Variants in ZSCAN5A observed in about 807,000 individuals in gnomAD.
ZSCAN5A encodes zinc finger and SCAN domain containing 5A.
ZSCAN5A carries 12 observed loss-of-function variants against 23.7 expected under a neutral mutation model. The ratio of observed to expected loss-of-function variants is 0.51; its 90% confidence interval spans 0.32 to 0.82. The LOEUF (loss-of-function observed/expected upper bound fraction) is 0.82, where lower values mean the gene tolerates loss of function less well. ZSCAN5A is among the 40% of genes least tolerant of loss of function. The pLI is 0.03. For missense variants in ZSCAN5A, 597 were observed against 617.9 expected, an observed-to-expected ratio of 0.97 and a Z score of 0.36; for synonymous variants, 257 against 239.9, an observed-to-expected ratio of 1.07 and a Z score of -0.66.
intron 2 of ZSCAN5A, among the ~76,000 whole-genome samples, chr19:56,361,842 A>T (rs2041735341): frequency 6.6e-6 from 1 of 152,132 alleles, no homozygotes; most frequent in Non-Finnish European, 1.5e-5. Flanking sequence ...CATATCCTGC[A>T]CATGGTCTCT....
At chr19:56,326,062 A>T (rs949993884) in intron 2 of ZSCAN5A, among the ~76,000 whole-genome samples, 2 of 151,724 alleles carry the variant, frequency 1.3e-5, no homozygotes, top group Non-Finnish European at 1.5e-5. Flanking sequence ...CCTCCTGAGT[A>T]GCTGGGACTA....
At chr19:56,320,793 C>G in intron 2 of ZSCAN5A, 1 of 835,966 alleles carries the variant, frequency 1.2e-6, no homozygotes, top group South Asian at 1.3e-5. Flanking sequence ...ATTGTGGCCA[C>G]CTCAAAAGCC....
intron 4 of ZSCAN5A, among the ~76,000 whole-genome samples, chr19:56,223,221 T>C (rs1286694916): frequency 6.6e-6 from 1 of 152,168 alleles, no homozygotes; most frequent in Non-Finnish European, 1.5e-5. Flanking sequence ...GACATGGCCA[T>C]GTGTCCGGAA....
intron 2 of ZSCAN5A, among the ~76,000 whole-genome samples, chr19:56,279,219 G>A (rs1386884673): frequency 1.3e-5 from 2 of 151,972 alleles, no homozygotes; most frequent in Non-Finnish European, 2.9e-5. Context: ...CCCCCACCAA[G>A]TAGTCTTTGG....
chr19:56,302,830 GT>G (rs758645116), intron 2 of ZSCAN5A: 1 of 398,726 alleles, frequency 2.5e-6, no homozygotes, highest in Non-Finnish European at 4.4e-6. Context: ...GCTGTCTCTT[GT>G]TCTTTCTAAG....
intron 2 of ZSCAN5A, among the ~76,000 whole-genome samples, chr19:56,260,078 A>G (rs952181367): frequency 2.6e-5 from 4 of 152,222 alleles, no homozygotes. Flanking sequence ...GGAGAACACC[A>G]CTAACTTCAG....
At chr19:56,254,221 T>C (rs1277814529) in intron 2 of ZSCAN5A, among the ~76,000 whole-genome samples, 3 of 136,116 alleles carry the variant, frequency 2.2e-5, no homozygotes, top group South Asian at 2.5e-4. Flanking sequence ...CAAATCATTG[T>C]TGTTGGTCCC....
chr19:56,274,112 C>T (rs780806337), intron 2 of ZSCAN5A, among the ~76,000 whole-genome samples: 6 of 152,102 alleles, frequency 3.9e-5, no homozygotes, highest in Non-Finnish European at 7.4e-5. Flanking sequence ...TTTATACATA[C>T]ATGTATTTGC....
chr19:56,277,459 G>A (rs994421201), intron 2 of ZSCAN5A, among the ~76,000 whole-genome samples: 6 of 150,186 alleles, frequency 4.0e-5, no homozygotes, highest in African/African-American at 7.4e-5. Context: ...ACCTGATTCC[G>A]TTTACCGTAT....
At chr19:56,293,911 T>C (rs1394046544) in intron 2 of ZSCAN5A, among the ~76,000 whole-genome samples, 1 of 152,118 alleles carries the variant, frequency 6.6e-6, no homozygotes, top group East Asian at 1.9e-4. Context: ...AACCCCCCGC[T>C]GAATAAAATG....
chr19:56,325,187 G>T (rs1415987234), intron 2 of ZSCAN5A, among the ~76,000 whole-genome samples: 3 of 152,130 alleles, frequency 2.0e-5, no homozygotes, highest in African/African-American at 4.8e-5. Context: ...ATATCCATTT[G>T]CTTATTATAT....
intron 2 of ZSCAN5A, among the ~76,000 whole-genome samples, chr19:56,349,302 G>C (rs2041652761): frequency 1.3e-5 from 2 of 152,072 alleles, no homozygotes; most frequent in South Asian, 4.1e-4. Context: ...AAAGTTACAG[G>C]AATCAACTTG....
intron 2 of ZSCAN5A, chr19:56,321,298 C>G: frequency 1.5e-6 from 1 of 661,586 alleles, no homozygotes; most frequent in East Asian, 2.9e-5. Flanking sequence ...AAGAAAATAA[C>G]TCGCCCATCA....
chr19:56,286,843 C>T (rs892601505), intron 2 of ZSCAN5A, among the ~76,000 whole-genome samples: 10 of 152,204 alleles, frequency 6.6e-5, no homozygotes, highest in Admixed American at 2.6e-4. Context: ...TAGAGATGCC[C>T]GGCAGAGCGA....
intron 2 of ZSCAN5A, among the ~76,000 whole-genome samples, chr19:56,345,313 T>C (rs866841863): frequency 1.3e-5 from 2 of 152,240 alleles, no homozygotes; most frequent in African/African-American, 4.8e-5. Flanking sequence ...TTATATATTT[T>C]CATTAGTGAA....
At chr19:56,250,806 T>C (rs1047142585) in intron 2 of ZSCAN5A, among the ~76,000 whole-genome samples, 1 of 152,218 alleles carries the variant, frequency 6.6e-6, no homozygotes, top group African/African-American at 2.4e-5. Context: ...TGTTACACTC[T>C]TTACATTTTA....
intron 2 of ZSCAN5A, among the ~76,000 whole-genome samples, chr19:56,259,510 C>G (rs2036967303): frequency 6.6e-6 from 1 of 152,118 alleles, no homozygotes; most frequent in Non-Finnish European, 1.5e-5. Flanking sequence ...TCCTCTCTGC[C>G]CCTTTTGTTT....
In ZSCAN5A at chr19:56,245,288, C is replaced by G. The variant is rs61742741; in HGVS notation, c.-127-20115G>C. The G allele has an allele frequency of 7.3e-3, 5,276 of 726,282 alleles. 215 individuals are homozygous for G. The African/African-American group carries it at 0.081, about 11-fold the overall frequency. The allele number at this position is 726,282 out of a possible 1,614,324, so 45.0% of individuals were successfully genotyped here. A position where few individuals can be genotyped will look rare whatever the true frequency, so the allele number is the denominator to read the frequency against. On this transcript the variant is annotated intron_variant, in intron 2 of 5. Transcript: ENST00000683990. The stretch of plus-strand genomic sequence containing the variant: ...ATCAGATGTCGAGATGGCTGAAATC[C>G]CTGCCAGTGTCAGAGATGATCCGAG...
intron 4 of ZSCAN5A, among the ~76,000 whole-genome samples, chr19:56,223,014 T>C (rs1038284886): frequency 8.5e-5 from 13 of 152,156 alleles, no homozygotes; most frequent in African/African-American, 3.1e-4. Flanking sequence ...CTCCCCGCCG[T>C]GCCAACGTCT....
Sources: allele counts gnomAD v4.1 joint callset (sites outside exome capture counted in the v4.1 genomes callset), GRCh38; gene constraint gnomAD v4.1.1; transcripts MANE v1.5; gene names NCBI Gene and HGNC (gene_info 2026-07-23, HGNC 2026-07-21).